Variants in KDM2B observed in about 807,000 individuals in gnomAD.
The protein encoded by KDM2B is lysine-specific demethylase 2B.
KDM2B carries 26 observed loss-of-function variants against 150.0 expected under a neutral mutation model. The observed-to-expected ratio is 0.17, with a 90% CI of 0.13 to 0.24. The LOEUF is 0.24. Among genes scored for constraint, KDM2B ranks in the 10% least tolerant of loss-of-function variants. The pLI is 1.00. For synonymous variants in KDM2B, 734 were observed against 729.5 expected (o/e 1.01, Z -0.10); for missense variants, 1,265 against 1,816.9 (o/e 0.70, Z 5.52).
At chr12:121,420,625 T>A in the KDM2B span, 1 of 1,614,158 alleles carries the variant, frequency 6.2e-7, no homozygotes, top group Middle Eastern at 1.6e-4. Context: ...GTCTGACTTG[T>A]CAAGCCTTGA....
At chr12:121,415,860 T>TTTTTA in the KDM2B span, among the ~76,000 whole-genome samples, 2 of 150,836 alleles carry the variant, frequency 1.3e-5, no homozygotes, top group Non-Finnish European at 3.0e-5. Context: ...TTTTTTTTTT[T>TTTTTA]TACATGCCTG....
chr12:121,463,524 A>G (rs1382750536), intron 12 of KDM2B, among the ~76,000 whole-genome samples: 3 of 151,984 alleles, frequency 2.0e-5, no homozygotes, highest in Non-Finnish European at 4.4e-5. Flanking sequence ...TTTCTGAGAG[A>G]TTTTCTTCTC....
chr12:121,571,900 G>A (rs1460763416), intron 4 of KDM2B, among the ~76,000 whole-genome samples: 1 of 150,746 alleles, frequency 6.6e-6, no homozygotes, highest in Non-Finnish European at 1.5e-5. Flanking sequence ...ATTCGCCCGC[G>A]TCGGCCTCCC....
chr12:121,490,141 G>A (rs185388575), intron 12 of KDM2B, among the ~76,000 whole-genome samples: 5 of 152,180 alleles, frequency 3.3e-5, no homozygotes, highest in African/African-American at 1.2e-4. Context: ...GGGATGGAAC[G>A]GACCAACTTC....
chr12:121,574,802 C>G (rs1315791210), intron 3 of KDM2B, among the ~76,000 whole-genome samples: 2 of 152,204 alleles, frequency 1.3e-5, no homozygotes, highest in Non-Finnish European at 2.9e-5. Context: ...TTCCCTACCC[C>G]AAGAGGCAAC....
At chr12:121,552,011 G>T (rs1889541641) in intron 4 of KDM2B, among the ~76,000 whole-genome samples, 1 of 152,226 alleles carries the variant, frequency 6.6e-6, no homozygotes, top group Non-Finnish European at 1.5e-5. Context: ...AAAGCAAGGT[G>T]AGACAGTCTG....
chr12:121,552,972 C>T (rs1889620317), intron 4 of KDM2B, among the ~76,000 whole-genome samples: 1 of 152,010 alleles, frequency 6.6e-6, no homozygotes, highest in African/African-American at 2.4e-5. Flanking sequence ...GTGGCTCACG[C>T]CTGTAATCCC....
chr12:121,564,837 T>C (rs1890584163), intron 4 of KDM2B, among the ~76,000 whole-genome samples: 2 of 152,036 alleles, frequency 1.3e-5, no homozygotes, highest in Non-Finnish European at 2.9e-5. Flanking sequence ...TTTCTTTTTC[T>C]TATTTTTTTG....
At chr12:121,542,320 TC>T (rs1488534793) in intron 6 of KDM2B, among the ~76,000 whole-genome samples, 4 of 152,006 alleles carry the variant, frequency 2.6e-5, no homozygotes, top group African/African-American at 9.7e-5. Flanking sequence ...CCTACATCAT[TC>T]CCCCCACTGC....
chr12:121,523,025 CAT>C (rs1223922990), intron 8 of KDM2B, among the ~76,000 whole-genome samples: 3 of 152,350 alleles, frequency 2.0e-5, no homozygotes, highest in African/African-American at 7.2e-5. Flanking sequence ...GCTCAGGTGA[CAT>C]GTGTGTGGCT....
At chr12:121,443,947 T>G in intron 16 of KDM2B, 65 bp downstream of exon 16, 1 of 1,418,448 alleles carries the variant, frequency 7.0e-7, no homozygotes, top group Non-Finnish European at 9.7e-7. Flanking sequence ...GCCCCATCCC[T>G]CCAACCCAGC....
rs782402787 is a variant in KDM2B, at chr12:121,521,114, G to A, written c.932-14C>T. 4 of 1,586,740 alleles carry A rather than the reference G, an allele frequency of 2.5e-6. No homozygotes were observed. The highest frequency in any genetic ancestry group is 3.5e-6 in the Non-Finnish European group (4 of 1,155,474). ...CATGGATCCAACCTGGGGTGGGAAGGGCAAGGAGAGGATGAGCCGCTGGCC... is the reference window on the plus strand; with the variant it reads ...CATGGATCCAACCTGGGGTGGGAAGAGCAAGGAGAGGATGAGCCGCTGGCC... On this transcript the variant is annotated splice_polypyrimidine_tract_variant and intron_variant, in intron 8 of 22. Transcript: ENST00000377071. The surrounding 1 kb of genome is among the most constrained non-coding windows in gnomAD (Gnocchi z 4.9).
intron 4 of KDM2B, 75 bp downstream of exon 4, chr12:121,574,472 T>C: frequency 7.1e-7 from 1 of 1,409,930 alleles, no homozygotes; most frequent in Non-Finnish European, 9.9e-7. Context: ...AAAGTCTAAA[T>C]GGGCAGGTGG....
At chr12:121,413,338 C>G in the KDM2B span, among the ~76,000 whole-genome samples, 2 of 151,730 alleles carry the variant, frequency 1.3e-5, no homozygotes, top group Admixed American at 6.6e-5. Context: ...GATTTTCATG[C>G]TTTTAAGCAC....
At chr12:121,578,760 G>T (rs1555317295) in intron 2 of KDM2B, 42 bp downstream of exon 2, 1 of 1,380,748 alleles carries the variant, frequency 7.2e-7, no homozygotes. Context: ...ACGTGCGCTC[G>T]GCCCGCAGCG....
chr12:121,493,517 T>G (rs2140333715), intron 12 of KDM2B, among the ~76,000 whole-genome samples: 1 of 152,290 alleles, frequency 6.6e-6, no homozygotes, highest in East Asian at 1.9e-4. Flanking sequence ...GTATCCCACC[T>G]AGGACCGCCT....
chr12:121,416,119 C>G, the KDM2B span: 1 of 1,551,146 alleles, frequency 6.4e-7, no homozygotes, highest in Non-Finnish European at 8.9e-7. Context: ...AGCCCAGATT[C>G]CACTTAGCTT....
At chr12:121,444,317 T>G (rs1265549264) in intron 15 of KDM2B, 45 bp from the exon 16 acceptor site, 4 of 1,609,856 alleles carry the variant, frequency 2.5e-6, no homozygotes, top group Non-Finnish European at 3.4e-6. Context: ...CTGTATACCT[T>G]TGGACTTGCC....
chr12:121,428,220 C>T (rs190620625), downstream of KDM2B, among the ~76,000 whole-genome samples: 12 of 151,522 alleles, frequency 7.9e-5, no homozygotes, highest in Admixed American at 6.6e-4. Context: ...TTTTGAAATG[C>T]GGTCTCGCGG....
Sources: gnomAD v4.1 joint callset for allele counts (sites outside exome capture counted in the v4.1 genomes callset) on GRCh38, gnomAD v4.1.1 for gene constraint, Gnocchi (gnomAD v3.1) non-coding constraint, MANE v1.5 for transcripts, NCBI Gene and HGNC (gene_info 2026-07-23, HGNC 2026-07-21) for gene names.